Variants in CDH2 observed in about 807,000 individuals in gnomAD.
The protein encoded by CDH2 is cadherin 2, also known as cadherin-2.
A neutral mutation model predicts 92.0 loss-of-function variants in CDH2; 17 were observed. That is an observed-to-expected ratio of 0.18 (90% CI 0.13 to 0.28). The LOEUF (loss-of-function observed/expected upper bound fraction) is 0.28. Among genes scored for constraint, CDH2 ranks in the 10% least tolerant of loss-of-function variants. The probability of loss-of-function intolerance (pLI) is 1.00; values close to 1 mark genes in which losing one functional copy is unlikely to be tolerated. For missense variants in CDH2, 862 were observed against 1,133.1 expected (o/e 0.76, Z 3.44); for synonymous variants, 419 against 415.9 (o/e 1.01, Z -0.09).
intron 14 of CDH2, among the ~76,000 whole-genome samples, chr18:27,975,435 G>T (rs1335944817): frequency 1.3e-5 from 2 of 152,216 alleles, no homozygotes; most frequent in African/African-American, 4.8e-5. Context: ...GGTGACAGGG[G>T]TGCCCCATTT....
intron 2 of CDH2, among the ~76,000 whole-genome samples, chr18:28,028,156 CT>C (rs2013607115): frequency 6.6e-6 from 1 of 151,722 alleles, no homozygotes; most frequent in South Asian, 2.1e-4. Context: ...AGATAACACT[CT>C]AAAAGAAAAA....
At chr18:28,122,857 C>T (rs1033925349) in intron 2 of CDH2, among the ~76,000 whole-genome samples, 5 of 151,922 alleles carry the variant, frequency 3.3e-5, no homozygotes, top group African/African-American at 1.2e-4. Context: ...CTCCAGTGGG[C>T]CTCATATGAA....
chr18:28,054,103 G>T (rs1447438189), intron 2 of CDH2, among the ~76,000 whole-genome samples: 1 of 152,150 alleles, frequency 6.6e-6, no homozygotes, highest in Non-Finnish European at 1.5e-5. Context: ...CTGTAGGGAG[G>T]AGTCAGGTGT....
chr18:28,155,825 C>T (rs2016200812), intron 1 of CDH2, among the ~76,000 whole-genome samples: 1 of 152,128 alleles, frequency 6.6e-6, no homozygotes, highest in Non-Finnish European at 1.5e-5. Context: ...CACAGGATTC[C>T]ATCCATGATG....
At chr18:28,139,856 G>A (rs758748918) in intron 2 of CDH2, among the ~76,000 whole-genome samples, 49 of 151,950 alleles carry the variant, frequency 3.2e-4, no homozygotes, top group Non-Finnish European at 4.6e-4. Flanking sequence ...TTTACTTACT[G>A]TTTGTATACT....
At chr18:28,140,577 A>G (rs950509007) in intron 2 of CDH2, among the ~76,000 whole-genome samples, 1 of 151,860 alleles carries the variant, frequency 6.6e-6, no homozygotes. Flanking sequence ...CAATGTGAAC[A>G]TGGCCATCTA....
chr18:28,056,346 T>A (rs1036075991), intron 2 of CDH2, among the ~76,000 whole-genome samples: 1 of 152,136 alleles, frequency 6.6e-6, no homozygotes, highest in African/African-American at 2.4e-5. Flanking sequence ...TCAAAACAAA[T>A]AGGTTTTCTT....
intron 2 of CDH2, among the ~76,000 whole-genome samples, chr18:28,056,016 A>T (rs1163334741): frequency 2.6e-5 from 4 of 152,090 alleles, no homozygotes; most frequent in African/African-American, 9.7e-5. Flanking sequence ...AGGGCAAATG[A>T]CTCCATATTC....
At chr18:28,041,357 C>CA (rs2013944028) in intron 2 of CDH2, among the ~76,000 whole-genome samples, 1 of 152,088 alleles carries the variant, frequency 6.6e-6, no homozygotes, top group Non-Finnish European at 1.5e-5. Context: ...TGAAAACAAG[C>CA]ACAAAACAAA....
intron 2 of CDH2, among the ~76,000 whole-genome samples, chr18:28,105,182 A>C (rs1214319736): frequency 6.6e-6 from 1 of 152,156 alleles, no homozygotes. Context: ...CCTGTTCTAA[A>C]AATCTATGAA....
intron 2 of CDH2, among the ~76,000 whole-genome samples, chr18:28,022,189 GA>G (rs2013427894): frequency 6.6e-6 from 1 of 151,804 alleles, no homozygotes; most frequent in Non-Finnish European, 1.5e-5. Context: ...ATACAGGAAT[GA>G]TTTTTTTTTT....
chr18:27,977,615 G>A (rs528500875), intron 14 of CDH2, among the ~76,000 whole-genome samples: 12 of 151,958 alleles, frequency 7.9e-5, no homozygotes, highest in Non-Finnish European at 1.3e-4. Flanking sequence ...TAATTTTCTG[G>A]AGACTGCTGT....
At chr18:27,981,971 C>T (rs2012070947) in intron 14 of CDH2, among the ~76,000 whole-genome samples, 1 of 152,140 alleles carries the variant, frequency 6.6e-6, no homozygotes, top group Non-Finnish European at 1.5e-5. Context: ...CATATAATTT[C>T]AAGAGAAACT....
intron 2 of CDH2, chr18:28,146,250 T>A (rs1044770936): frequency 1.3e-5 from 2 of 152,150 alleles, no homozygotes; most frequent in Non-Finnish European, 2.9e-5. Context: ...AATTCCACTT[T>A]TTATTATCTG....
At chr18:28,042,927 G>A (rs1567976180) in intron 2 of CDH2, among the ~76,000 whole-genome samples, 1 of 152,104 alleles carries the variant, frequency 6.6e-6, no homozygotes, top group Non-Finnish European at 1.5e-5. Flanking sequence ...CGAAGATATG[G>A]ATCATAATAA....
intron 2 of CDH2, among the ~76,000 whole-genome samples, chr18:28,071,295 G>A (rs535592242): frequency 1.2e-4 from 18 of 152,014 alleles, no homozygotes; most frequent in African/African-American, 3.9e-4. Flanking sequence ...CGTATGTGCC[G>A]GTTCCTAAAG....
intron 2 of CDH2, among the ~76,000 whole-genome samples, chr18:28,130,877 C>G (rs1373728483): frequency 6.6e-6 from 1 of 152,118 alleles, no homozygotes; most frequent in Non-Finnish European, 1.5e-5. Flanking sequence ...TTTTGGCAAT[C>G]CCAAGTTTTG....
intron 6 of CDH2, among the ~76,000 whole-genome samples, chr18:27,944,679 G>C (rs942944085): frequency 3.4e-5 from 5 of 147,582 alleles, no homozygotes; most frequent in Non-Finnish European, 7.4e-5. Flanking sequence ...CCAGTGATTT[G>C]AGAGGCTGAA....
chr18:27,977,649 C>T (rs2011880115), intron 14 of CDH2, among the ~76,000 whole-genome samples: 1 of 152,058 alleles, frequency 6.6e-6, no homozygotes, highest in African/African-American at 2.4e-5. Flanking sequence ...GCTGTAAACA[C>T]AGTCATTACC....
Sources: gnomAD v4.1 joint callset for allele counts (sites outside exome capture counted in the v4.1 genomes callset) on GRCh38, gnomAD v4.1.1 for gene constraint, MANE v1.5 for transcripts, NCBI Gene and HGNC (gene_info 2026-07-23, HGNC 2026-07-21) for gene names.